Variants in PHF21A observed in about 807,000 individuals in gnomAD.
The protein encoded by PHF21A is PHD finger protein 21A.
PHF21A carries 11 observed loss-of-function variants against 82.5 expected under a neutral mutation model. That is an observed-to-expected ratio of 0.13 (90% CI 0.08 to 0.22). The LOEUF (loss-of-function observed/expected upper bound fraction) is 0.22, where lower values mean the gene tolerates loss of function less well. Among genes scored for constraint, PHF21A ranks in the 10% least tolerant of loss-of-function variants. The probability of loss-of-function intolerance (pLI) is 1.00; values close to 1 mark genes in which losing one functional copy is unlikely to be tolerated. For missense variants in PHF21A, 579 were observed against 837.8 expected (o/e 0.69, Z 3.81); for synonymous variants, 297 against 302.8 (o/e 0.98, Z 0.20).
chr11:46,116,428 T>A (rs1378946014), intron 1 of PHF21A: 1 of 152,108 alleles, frequency 6.6e-6, no homozygotes, highest in Non-Finnish European at 1.5e-5. Context: ...ACTCTGTCAA[T>A]AAGAGTCTAT....
chr11:46,046,314 G>T (rs2096255495), intron 6 of PHF21A, among the ~76,000 whole-genome samples: 2 of 152,128 alleles, frequency 1.3e-5, no homozygotes, highest in African/African-American at 4.8e-5. Flanking sequence ...ACACCAACAA[G>T]GCTAATATGC....
chr11:45,936,503 A>G lies in PHF21A; in HGVS notation c.1675T>C (p.Tyr559His). The G allele has an allele frequency of 6.2e-7, 1 of 1,607,744 alleles. No homozygotes were observed. Among genetic ancestry groups the G allele is most frequent in the Non-Finnish European group, 8.5e-7 (1 of 1,174,450 alleles). The change falls in exon 17 of 19, where the codon TAC becomes CAC. Residue 559 changes from tyrosine (Y) to histidine (H), a missense_variant. Physicochemically the swap from Tyr to His is moderately conservative, Grantham distance 83. Around this residue, in one of 3 missense-constraint regions of PHF21A, gnomAD observed 410 missense variants for 642.1 expected, o/e 0.64. Coordinates refer to ENST00000676320, the MANE Select transcript of PHF21A (RefSeq NM_001352027.3). ...TLAIVHSYIA[Y>H]KAAKEEEKQK... ...ATGGATAACTCCTTACCTGCTTTGT[A>G]GGCAATATAGGAATGAACAATTGCT...
intron 15 of PHF21A, 61 bp from the exon 16 acceptor site, chr11:45,938,373 A>G (rs566816207): frequency 1.4e-6 from 2 of 1,381,948 alleles, no homozygotes; most frequent in African/African-American, 2.8e-5. Context: ...TAATGTTAAC[A>G]TGCACATTCT....
At chr11:46,007,021 G>A (rs184999881) in intron 6 of PHF21A, among the ~76,000 whole-genome samples, 5 of 152,288 alleles carry the variant, frequency 3.3e-5, no homozygotes, top group Admixed American at 2.0e-4. Flanking sequence ...TTAATCTTTA[G>A]AGCGTTCCTG....
intron 6 of PHF21A, among the ~76,000 whole-genome samples, chr11:46,013,099 C>A (rs1478305540): frequency 2.6e-5 from 4 of 152,020 alleles, no homozygotes; most frequent in Non-Finnish European, 5.9e-5. Flanking sequence ...GTAAGTTAAA[C>A]TTATTTAAAC....
chr11:45,948,044 T>A (rs1052972491), intron 14 of PHF21A, among the ~76,000 whole-genome samples: 1 of 152,192 alleles, frequency 6.6e-6, no homozygotes, highest in Non-Finnish European at 1.5e-5. Context: ...TGTGTGCACA[T>A]GCAAAAATTA....
chr11:46,009,840 A>T (rs1395413513), intron 6 of PHF21A, among the ~76,000 whole-genome samples: 1 of 152,202 alleles, frequency 6.6e-6, no homozygotes, highest in Non-Finnish European at 1.5e-5. Context: ...GATAACAGTC[A>T]TTTCATCTGG....
At position 45,932,721 on chromosome 11, in the gene PHF21A, GTTTT is replaced by G. The variant is rs893509795; in HGVS notation, c.*1243_*1246del. 6.6e-6 allele frequency: 1 copy of G among 152,076 alleles called. No homozygotes were observed. The highest frequency in any genetic ancestry group is 6.6e-5 in the Admixed American group (1 of 15,232). 9.4% of individuals were successfully genotyped at this position (152,076 alleles called of 1,614,324 possible). A position where few individuals can be genotyped will look rare whatever the true frequency, so the allele number is the denominator to read the frequency against. ...ATTTTCCTTTTTAATTTAAAAAAAA[GTTTT>G]TTTTCCCCAGATACAAAGATTTTTG... is the stretch of plus-strand genomic sequence containing the variant. On this transcript the variant is annotated 3_prime_UTR_variant, in exon 19 of 19. Transcript: ENST00000676320. The surrounding 1 kb of genome is among the most constrained non-coding windows in gnomAD (Gnocchi z 4.3).
At chr11:45,984,139 A>G (rs1026760698) in intron 6 of PHF21A, among the ~76,000 whole-genome samples, 2 of 152,218 alleles carry the variant, frequency 1.3e-5, no homozygotes, top group Non-Finnish European at 2.9e-5. Flanking sequence ...TAAGTTAATG[A>G]GAGTTAAAAG....
chr11:46,108,294 G>A (rs2097173816), intron 1 of PHF21A, among the ~76,000 whole-genome samples: 1 of 151,798 alleles, frequency 6.6e-6, no homozygotes, highest in Non-Finnish European at 1.5e-5. Flanking sequence ...ATATAGGACA[G>A]AAAACAATGT....
chr11:46,033,364 G>A (rs771148348), intron 6 of PHF21A, among the ~76,000 whole-genome samples: 24 of 152,012 alleles, frequency 1.6e-4, no homozygotes, highest in Non-Finnish European at 2.9e-4. Context: ...TCCTAGGCTC[G>A]AGGGATCCTT....
chr11:45,957,084 TA>T (rs2092695932), intron 10 of PHF21A, among the ~76,000 whole-genome samples: 1 of 152,128 alleles, frequency 6.6e-6, no homozygotes, highest in African/African-American at 2.4e-5. Context: ...AAAAAGATGA[TA>T]TAACAGTTAT....
chr11:46,024,778 T>C (rs61882538), intron 6 of PHF21A, among the ~76,000 whole-genome samples: 19,479 of 152,068 alleles, frequency 0.13, 1,603 homozygotes, highest in African/African-American at 0.24. Context: ...CCAGCCTGGG[T>C]GACCAAGTGA....
intron 1 of PHF21A, among the ~76,000 whole-genome samples, chr11:46,112,757 A>T (rs565298383): frequency 2.1e-4 from 32 of 151,252 alleles, no homozygotes; most frequent in Admixed American, 7.3e-4. Context: ...TCCCCATTTT[A>T]AAAAAAAAGG....
intron 6 of PHF21A, among the ~76,000 whole-genome samples, chr11:46,041,933 A>C (rs2096150337): frequency 6.6e-6 from 1 of 152,024 alleles, no homozygotes; most frequent in Non-Finnish European, 1.5e-5. Flanking sequence ...AATTCCTCAA[A>C]ATTTTACACT....
intron 6 of PHF21A, among the ~76,000 whole-genome samples, chr11:46,064,936 A>G (rs2096577178): frequency 6.6e-6 from 1 of 152,114 alleles, no homozygotes; most frequent in African/African-American, 2.4e-5. Flanking sequence ...GCAAAGGGAG[A>G]CTTTTCTAAA....
intron 16 of PHF21A, 152 bp downstream of exon 16, chr11:45,938,005 C>T (rs1197750518): frequency 1.6e-5 from 9 of 567,718 alleles, no homozygotes; most frequent in Non-Finnish European, 2.4e-5. Flanking sequence ...GAAGGCCATG[C>T]GCCTGCGTGC....
In PHF21A at chr11:46,084,321, G is replaced by T; in HGVS notation, c.-83-19C>A. ...ACTGCAGCTGTAAAGATCATAAAAT[G>T]TTTTGGATCATTACATTTGGAATAA... On this transcript the variant is annotated intron_variant, in intron 3 of 18. Coordinates refer to ENST00000676320, the MANE Select transcript of PHF21A (RefSeq NM_001352027.3). 1.3e-6 allele frequency: 1 copy of T among 770,686 alleles called. No individual in the cohort carries two copies. Among genetic ancestry groups the T allele is most frequent in the Non-Finnish European group, 2.1e-6 (1 of 482,968 alleles). The allele number at this position is 770,686 out of a possible 1,614,324, so 47.7% of individuals were successfully genotyped here.
At chr11:46,068,861 C>T (rs1423128643) in intron 6 of PHF21A, among the ~76,000 whole-genome samples, 1 of 152,212 alleles carries the variant, frequency 6.6e-6, no homozygotes, top group Non-Finnish European at 1.5e-5. Flanking sequence ...ACTGATGCAT[C>T]TGGTACAAGT....
Sources: allele counts gnomAD v4.1 joint callset (sites outside exome capture counted in the v4.1 genomes callset), GRCh38; gene constraint gnomAD v4.1.1; regional missense constraint gnomAD v4.1.1; non-coding constraint Gnocchi (gnomAD v3.1); transcripts MANE v1.5; gene names NCBI Gene and HGNC (gene_info 2026-07-23, HGNC 2026-07-21).